The following GDI2 variants were observed in gnomAD, a reference collection of about 807,000 sequenced individuals.
GDI2 encodes the protein GDP dissociation inhibitor 2, also known as rab GDP dissociation inhibitor beta.
A neutral mutation model predicts 54.2 loss-of-function variants in GDI2; 22 were observed. The observed-to-expected ratio is 0.41, with a 90% CI of 0.29 to 0.58. GDI2 has a LOEUF of 0.58. Among genes scored for constraint, GDI2 ranks in the 20% least tolerant of loss-of-function variants. The probability of loss-of-function intolerance (pLI) is 0.35; values close to 1 mark genes in which losing one functional copy is unlikely to be tolerated. For missense variants in GDI2, 422 were observed against 546.0 expected, an observed-to-expected ratio of 0.77 and a Z score of 2.26; for synonymous variants, 177 against 182.1, an observed-to-expected ratio of 0.97 and a Z score of 0.23.
intron 2 of GDI2, among the ~76,000 whole-genome samples, chr10:5,798,171 T>C (rs376043352): frequency 2.0e-5 from 3 of 152,300 alleles, no homozygotes; most frequent in African/African-American, 7.2e-5. Context: ...AATTTATAAT[T>C]CACATGAATT....
intron 4 of GDI2, among the ~76,000 whole-genome samples, chr10:5,786,559 A>G (rs771912660): frequency 6.6e-6 from 1 of 152,020 alleles, no homozygotes; most frequent in African/African-American, 2.4e-5. Context: ...GGTTACTTAT[A>G]AAGTCTTCAA....
rs1420705417 is a variant in GDI2 at position 5,776,892 on chromosome 10, G to A, written c.720-2951C>T. On this transcript the variant is annotated intron_variant, in intron 6 of 10. Transcript: ENST00000380191. This position sits in a 1 kb window ranked among gnomAD's most constrained non-coding sequence, Gnocchi z 5.3. ...GAAGGCCAGAGAAGAGGGGAGAAGA[G>A]GAAATAATGCGAAAACAGTTAATCC... is the stretch of plus-strand genomic sequence containing the variant. 8 of 901,646 alleles carry A rather than the reference G, an allele frequency of 8.9e-6. No homozygotes were observed. The highest frequency in any genetic ancestry group is 1.3e-5 in the Non-Finnish European group (8 of 602,816). 55.9% of individuals were successfully genotyped at this position (901,646 alleles called of 1,614,324 possible). A position where few individuals can be genotyped will look rare whatever the true frequency, so the allele number is the denominator to read the frequency against.
In GDI2 at chr10:5,800,740, T is replaced by C. The variant is rs766149309; in HGVS notation, c.46-35A>G. ...AAGCATAGTACCTTGAAAAGAAAGT[T>C]CTACAGCATATTTAAAACAGATCAT... On this transcript the variant is annotated intron_variant, in intron 1 of 10. Coordinates refer to ENST00000380191, the MANE Select transcript of GDI2 (RefSeq NM_001494.4). 5.3e-5 allele frequency: 54 copies of C among 1,013,738 alleles called. 1 individual carries two copies. The South Asian group carries it at 6.1e-4, about 11-fold the overall frequency. 62.8% of individuals were successfully genotyped at this position (1,013,738 alleles called of 1,614,324 possible).
chr10:5,805,838 C>T (rs1398293910), intron 1 of GDI2, among the ~76,000 whole-genome samples: 4 of 152,172 alleles, frequency 2.6e-5, no homozygotes, highest in Admixed American at 6.5e-5. Flanking sequence ...CCTAAACTTC[C>T]GCATTTCTGG....
At position 5,768,040 on chromosome 10, in the gene GDI2, C is replaced by T. The variant is rs1238226405; in HGVS notation, c.991+173G>A. ...AGGCTGGCTCCGAGTTGAATCTGTCCGCGTTGACACAATGCTGCCGGAGCA... is the reference window on the plus strand; with the variant it reads ...AGGCTGGCTCCGAGTTGAATCTGTCTGCGTTGACACAATGCTGCCGGAGCA... On this transcript the variant is annotated intron_variant, in intron 8 of 10. Coordinates refer to ENST00000380191, the MANE Select transcript of GDI2 (RefSeq NM_001494.4). This position sits in a 1 kb window ranked among gnomAD's most constrained non-coding sequence, Gnocchi z 4.4. Among the ~76,000 whole-genome samples, 4 of 152,130 alleles carry T rather than the reference C, an allele frequency of 2.6e-5. No individual in the cohort carries two copies. The highest frequency in any genetic ancestry group is 2.1e-4 in the South Asian group (1 of 4,828).
In GDI2 at chr10:5,773,826, T is replaced by C. The variant is rs535247860; in HGVS notation, c.819+16A>G. ...ACAAGAACATAGTAATTTTTTTCAT[T>C]TTAAAAGCTACTTACTTCTCCTTCA... is the stretch of plus-strand genomic sequence containing the variant. On this transcript the variant is annotated intron_variant, in intron 7 of 10. Transcript: ENST00000380191. 6 of 1,121,932 alleles carry C rather than the reference T, an allele frequency of 5.3e-6. No individual in the cohort carries two copies. The South Asian group carries it at 6.6e-5, about 12-fold the overall frequency. 69.5% of individuals were successfully genotyped at this position (1,121,932 alleles called of 1,614,324 possible). A position where few individuals can be genotyped will look rare whatever the true frequency, so the allele number is the denominator to read the frequency against.
chr10:5,778,972 T>C (rs1325870001), intron 6 of GDI2, among the ~76,000 whole-genome samples: 3 of 152,026 alleles, frequency 2.0e-5, no homozygotes, highest in African/African-American at 7.3e-5. Context: ...CAATCCAACA[T>C]TACTAGACAT....
intron 1 of GDI2, among the ~76,000 whole-genome samples, chr10:5,801,086 G>A (rs1258575768): frequency 6.6e-6 from 1 of 151,876 alleles, no homozygotes; most frequent in Non-Finnish European, 1.5e-5. Context: ...TGAGTAAGTG[G>A]GATTACAGGT....
chr10:5,771,074 G>C (rs1840480062), intron 7 of GDI2, among the ~76,000 whole-genome samples: 1 of 148,444 alleles, frequency 6.7e-6, no homozygotes, highest in Non-Finnish European at 1.5e-5. Context: ...GTTTTAAACA[G>C]TATATTAATG....
Position 5,785,934 on chromosome 10 carries a change from G to A in GDI2, c.505C>T (p.Arg169Ter). 1.2e-6 allele frequency: 2 copies of A among 1,610,698 alleles called. No individual in the cohort carries two copies. Among genetic ancestry groups the A allele is most frequent in the Non-Finnish European group, 8.5e-7 (1 of 1,176,926 alleles). The change falls in exon 5 of 11, where the codon CGA (arginine) becomes TGA (stop). Residue 169 changes from arginine (R) to a stop codon, truncating the protein, a stop_gained. Coordinates refer to ENST00000380191, the MANE Select transcript of GDI2 (RefSeq NM_001494.4). LOFTEE classifies it high-confidence loss of function. ...EGIDPKKTTMRDVYKKFDLGQ... is the reference protein window; with the variant it reads ...EGIDPKKTTM ...AAATCAAATTTCTTATACACATCTC[G>A]CATTGTGGTCTTCTTAGGATCAATG...
chr10:5,792,229 T>C (rs1841035014), intron 4 of GDI2, among the ~76,000 whole-genome samples: 2 of 152,220 alleles, frequency 1.3e-5, no homozygotes, highest in Admixed American at 6.5e-5. Context: ...AACCAGTTAC[T>C]AGCTATACTA....
At position 5,768,087 on chromosome 10, in the gene GDI2, T is replaced by C; in HGVS notation, c.991+126A>G. The stretch of plus-strand genomic sequence containing the variant: ...AGCAGGAGGAGGTACAAAGATTTTT[T>C]TCCCCCATATGTAAACCAAGGTCTG... On this transcript the variant is annotated intron_variant, in intron 8 of 10. Coordinates refer to ENST00000380191, the MANE Select transcript of GDI2 (RefSeq NM_001494.4). This position sits in a 1 kb window ranked among gnomAD's most constrained non-coding sequence, Gnocchi z 4.4. 1 of 722,282 alleles carries C rather than the reference T, an allele frequency of 1.4e-6. No individual in the cohort carries two copies. The highest frequency in any genetic ancestry group is 2.3e-6 in the Non-Finnish European group (1 of 427,002). 44.7% of individuals were successfully genotyped at this position (722,282 alleles called of 1,614,324 possible). A position where few individuals can be genotyped will look rare whatever the true frequency, so the allele number is the denominator to read the frequency against.
chr10:5,784,461 G>A (rs1840828558), intron 6 of GDI2, among the ~76,000 whole-genome samples: 1 of 152,100 alleles, frequency 6.6e-6, no homozygotes. Flanking sequence ...ATCCATTGCT[G>A]GTAAGCTAGT....
intron 2 of GDI2, among the ~76,000 whole-genome samples, chr10:5,797,091 G>A (rs1229405190): frequency 6.6e-6 from 1 of 152,126 alleles, no homozygotes; most frequent in Non-Finnish European, 1.5e-5. Context: ...GCAGAAGTAA[G>A]GTTTTTCACT....
At chr10:5,771,818 G>A (rs929884993) in intron 7 of GDI2, among the ~76,000 whole-genome samples, 11 of 152,136 alleles carry the variant, frequency 7.2e-5, no homozygotes, top group Middle Eastern at 3.2e-3. Flanking sequence ...CTGGCCGAGC[G>A]CGGTGGCTCA....
chr10:5,774,435 G>A lies in GDI2; in HGVS notation c.720-494C>T, dbSNP rs920392316. ...CAACACATTTGGTGCTGTGTGACTC[G>A]GATACATTCCCTAGTAGTAAGAGAC... On this transcript the variant is annotated intron_variant, in intron 6 of 10. Coordinates refer to ENST00000380191, the MANE Select transcript of GDI2 (RefSeq NM_001494.4). The surrounding 1 kb of genome is among the most constrained non-coding windows in gnomAD (Gnocchi z 4.8). 2.6e-5 allele frequency among the ~76,000 whole-genome samples: 4 copies of A among 152,088 alleles called. No individual in the cohort carries two copies. Among genetic ancestry groups the A allele is most frequent in the Admixed American group, 6.6e-5 (1 of 15,258 alleles).
chr10:5,768,081 A>ATT lies in GDI2; in HGVS notation c.991+130_991+131dup, dbSNP rs139873849. 4.0e-5 allele frequency: 27 copies of ATT among 680,160 alleles called. No homozygotes were observed. Among genetic ancestry groups the ATT allele is most frequent in the East Asian group, 3.4e-4 (13 of 38,074 alleles). The allele number at this position is 680,160 out of a possible 1,614,324, so 42.1% of individuals were successfully genotyped here. On this transcript the variant is annotated intron_variant, in intron 8 of 10. Transcript: ENST00000380191. The surrounding 1 kb of genome is among the most constrained non-coding windows in gnomAD (Gnocchi z 4.4). ...TGCCGGAGCAGGAGGAGGTACAAAG[A>ATT]TTTTTTTCCCCCATATGTAAACCAA...
At position 5,766,084 on chromosome 10, in the gene GDI2, G is replaced by C. The variant is rs753553466; in HGVS notation, c.1260C>G (p.Ile420Met). 3.7e-6 allele frequency: 6 copies of C among 1,607,842 alleles called. No homozygotes were observed. The highest frequency in any genetic ancestry group is 2.2e-5 in the South Asian group (2 of 90,028). ...ACTCTGATCCTGTCATCCTCTTATA[G>C]ATGTTTTTAATGTCATCACACGTTG... is the stretch of plus-strand genomic sequence containing the variant. ...FETTCDDIKN[I>M]YKRMTGSEFD... The change falls in exon 11 of 11, where the codon ATC becomes ATG. Residue 420 changes from isoleucine to methionine, a missense_variant. By Grantham distance (10) the Ile-to-Met change is conservative. Coordinates refer to ENST00000380191, the MANE Select transcript of GDI2 (RefSeq NM_001494.4). The surrounding 1 kb of genome is among the most constrained non-coding windows in gnomAD (Gnocchi z 5.8).
Position 5,766,544 on chromosome 10 carries a change from A to G in GDI2, c.1086T>C (p.Pro362=), listed in dbSNP as rs1840339644. 1 of 1,613,856 alleles carries G rather than the reference A, an allele frequency of 6.2e-7. No homozygotes were observed. The highest frequency in any genetic ancestry group is 1.7e-5 in the Admixed American group (1 of 60,022). The change falls in exon 9 of 11, where the codon CCT becomes CCC. Residue 362 remains proline, a synonymous_variant. Coordinates refer to ENST00000380191, the MANE Select transcript of GDI2 (RefSeq NM_001494.4). This position sits in a 1 kb window ranked among gnomAD's most constrained non-coding sequence, Gnocchi z 5.8. ...IVSTTVETKE[P]EKEIRPALEL... ...CCAAAGCTGGTCTGATTTCCTTCTC[A>G]GGCTCCTTGGTTTCCACAGTTGTAC...
Sources: allele counts gnomAD v4.1 joint callset (sites outside exome capture counted in the v4.1 genomes callset), GRCh38; gene constraint gnomAD v4.1.1; non-coding constraint Gnocchi (gnomAD v3.1); transcripts MANE v1.5; gene names NCBI Gene and HGNC (gene_info 2026-07-23, HGNC 2026-07-21).